Variants in ARHGAP23 observed in about 807,000 individuals in gnomAD.
ARHGAP23 encodes the protein rho GTPase-activating protein 23.
Under a neutral mutation model 136.3 loss-of-function variants are expected in ARHGAP23, and 34 were observed. The observed-to-expected ratio is 0.25, with a 90% confidence interval of 0.19 to 0.33. The LOEUF (loss-of-function observed/expected upper bound fraction) is 0.33, where lower values mean the gene tolerates loss of function less well. Ranked by LOEUF, ARHGAP23 falls within the 10% of genes least tolerant of loss-of-function variation. ARHGAP23 has a pLI of 1.00. For synonymous variants in ARHGAP23, 832 were observed against 920.5 expected (o/e 0.90, Z 1.74); for missense variants, 1,808 against 2,139.0 (o/e 0.85, Z 3.05).
intron 1 of ARHGAP23, among the ~76,000 whole-genome samples, chr17:38,443,938 C>T (rs60679182): frequency 0.17 from 26,560 of 151,990 alleles, 3,418 homozygotes; most frequent in African/African-American, 0.37. Flanking sequence ...TAGAGCTTTC[C>T]CCTAGTCTCC....
chr17:38,486,761 T>C (rs1456609596), intron 17 of ARHGAP23, among the ~76,000 whole-genome samples: 1 of 152,176 alleles, frequency 6.6e-6, no homozygotes, highest in Non-Finnish European at 1.5e-5. Flanking sequence ...AAACCAAGGC[T>C]CAGAGAAGTT....
At chr17:38,496,952 GA>G (rs56999011) in intron 20 of ARHGAP23, among the ~76,000 whole-genome samples, 131,953 of 145,618 alleles carry the variant, frequency 0.91, 59,786 homozygotes, top group South Asian at 0.94. Flanking sequence ...GATTCTGTTG[GA>G]AAAAAAAAAA....
intron 3 of ARHGAP23, among the ~76,000 whole-genome samples, chr17:38,462,104 C>T (rs908405552): frequency 6.6e-6 from 1 of 150,386 alleles, no homozygotes; most frequent in Non-Finnish European, 1.5e-5. Flanking sequence ...AGGTGCCCGC[C>T]ACCGCGCCCG....
intron 1 of ARHGAP23, among the ~76,000 whole-genome samples, chr17:38,455,481 A>C (rs1292505350): frequency 1.3e-5 from 2 of 152,174 alleles, no homozygotes; most frequent in Non-Finnish European, 2.9e-5. Context: ...CCTGGATTCC[A>C]TGCAGGCCCT....
In ARHGAP23 at chr17:38,491,418, G is replaced by A. The variant is rs1398305706; in HGVS notation, c.3162G>A (p.Arg1054=). 1 of 1,549,724 alleles carries A rather than the reference G, an allele frequency of 6.5e-7. No homozygotes were observed. Among genetic ancestry groups the A allele is most frequent in the Non-Finnish European group, 8.7e-7 (1 of 1,146,854 alleles). The change falls in exon 20 of 24, where the codon CGG becomes CGA. Residue 1054 remains arginine (R), a synonymous_variant. Coordinates refer to ENST00000622683, the MANE Select transcript of ARHGAP23 (RefSeq NM_001199417.2). ...TCCCTGCTGCCCAGATGGAACCCCG[G>A]AACCTGGCCCTGGTCTTTGGGCCGA... The part of the protein sequence containing the change: ...DHSEKNKMEP[R]NLALVFGPTL...
chr17:38,441,484 C>T lies in ARHGAP23; in HGVS notation c.63+12936C>T, dbSNP rs112654718. On this transcript the variant is annotated intron_variant, in intron 1 of 23. Coordinates refer to ENST00000622683, the MANE Select transcript of ARHGAP23 (RefSeq NM_001199417.2). ...TCCTCTCAACCAATCTTCCTGAAAT[C>T]TACAGATGTCCAAGTCCCTCATCAT... Among the ~76,000 whole-genome samples the T allele has an allele frequency of 4.3e-3, 662 of 152,192 alleles. 3 individuals are homozygous for T. The highest frequency in any genetic ancestry group is 0.015 in the African/African-American group (635 of 41,510).
chr17:38,466,486 G>T lies in ARHGAP23; in HGVS notation c.803G>T (p.Arg268Leu). The T allele has an allele frequency of 1.3e-6, 2 of 1,512,528 alleles. No homozygotes were observed. The highest frequency in any genetic ancestry group is 8.8e-7 in the Non-Finnish European group (1 of 1,133,120). 93.7% of individuals were successfully genotyped at this position (1,512,528 alleles called of 1,614,324 possible). Residue 268 changes from arginine (R) to leucine (L), a missense_variant, in exon 7 of 24, where the codon CGT becomes CTT. This residue lies in a region of ARHGAP23 where 859 missense variants were observed against 936.4 expected (regional missense o/e 0.92). Transcript: ENST00000622683. ...CTCTCCTCGGAGCCCCGGACGCCCC[G>T]TGCCTTCCCAGAGCCTGGCAGCCGG... Reference protein sequence around the residue: ...PHLSSEPRTPRAFPEPGSRVP... With the variant: ...PHLSSEPRTPLAFPEPGSRVP...
chr17:38,482,277 G>A lies in ARHGAP23; in HGVS notation c.2751+134G>A, dbSNP rs2040062620. On this transcript the variant is annotated intron_variant, in intron 15 of 23. Transcript: ENST00000622683. ...CAGCTGGGAAAACAGCCCAGAGAGGGGAAGGCCCCCGCCTGCCCCGGGCCT... is the reference window on the plus strand; with the variant it reads ...CAGCTGGGAAAACAGCCCAGAGAGGAGAAGGCCCCCGCCTGCCCCGGGCCT... 4 of 1,454,096 alleles carry A rather than the reference G, an allele frequency of 2.8e-6. No individual in the cohort carries two copies. The East Asian group carries it at 1.0e-4, about 37-fold the overall frequency. 90.1% of individuals were successfully genotyped at this position (1,454,096 alleles called of 1,614,324 possible). A position where few individuals can be genotyped will look rare whatever the true frequency, so the allele number is the denominator to read the frequency against.
chr17:38,445,994 C>T (rs527872034), intron 1 of ARHGAP23, among the ~76,000 whole-genome samples: 2 of 148,790 alleles, frequency 1.3e-5, no homozygotes, highest in African/African-American at 5.0e-5. Context: ...GGTTCATCCA[C>T]ATTGTAGCAT....
At position 38,506,045 on chromosome 17, in the gene ARHGAP23, G is replaced by A. The variant is rs16965716; in HGVS notation, c.3448-3899G>A. 9.1e-3 allele frequency among the ~76,000 whole-genome samples: 1,380 copies of A among 152,352 alleles called. 19 individuals carry two copies. Among genetic ancestry groups the A allele is most frequent in the African/African-American group, 0.032 (1,312 of 41,582 alleles). ...CCCCAAAGCCAACCCAGGGACTCCAGTTAACAGCACCTTCTCCAGAGTATT... is the reference window on the plus strand; with the variant it reads ...CCCCAAAGCCAACCCAGGGACTCCAATTAACAGCACCTTCTCCAGAGTATT... On this transcript the variant is annotated intron_variant, in intron 23 of 23. Coordinates refer to ENST00000622683, the MANE Select transcript of ARHGAP23 (RefSeq NM_001199417.2).
chr17:38,444,516 C>T (rs1025673215), intron 1 of ARHGAP23, among the ~76,000 whole-genome samples: 4 of 152,144 alleles, frequency 2.6e-5, no homozygotes, highest in African/African-American at 9.7e-5. Flanking sequence ...AAAACTCTTC[C>T]AAGTTCCTGC....
At chr17:38,493,324 GA>G (rs1197563747) in intron 20 of ARHGAP23, among the ~76,000 whole-genome samples, 3 of 151,966 alleles carry the variant, frequency 2.0e-5, no homozygotes, top group Non-Finnish European at 4.4e-5. Flanking sequence ...GAGTAGCTGG[GA>G]CTAGAGATGC....
At chr17:38,438,773 C>T (rs1221044809) in intron 1 of ARHGAP23, among the ~76,000 whole-genome samples, 5 of 152,000 alleles carry the variant, frequency 3.3e-5, no homozygotes, top group Non-Finnish European at 4.4e-5. Context: ...CATCTGAGGT[C>T]GGGAGTTTGA....
intron 11 of ARHGAP23, among the ~76,000 whole-genome samples, chr17:38,476,808 G>A (rs190631144): frequency 1.9e-3 from 295 of 151,954 alleles, no homozygotes; most frequent in African/African-American, 7.0e-3. Context: ...ATGTTTAGCC[G>A]CATCCCTCAG....
At chr17:38,504,132 T>C (rs573924733) in intron 23 of ARHGAP23, among the ~76,000 whole-genome samples, 29 of 152,344 alleles carry the variant, frequency 1.9e-4, no homozygotes, top group Admixed American at 8.5e-4. Context: ...ATCTGAGTTC[T>C]GATCCTCTGT....
intron 22 of ARHGAP23, among the ~76,000 whole-genome samples, chr17:38,499,625 G>A (rs1567827199): frequency 6.6e-6 from 1 of 152,102 alleles, no homozygotes; most frequent in Non-Finnish European, 1.5e-5. Context: ...CATGGGGGTG[G>A]GACGGCAGAG....
intron 1 of ARHGAP23, chr17:38,451,504 A>T (rs1269928125): frequency 1.3e-5 from 2 of 152,436 alleles, no homozygotes; most frequent in East Asian, 3.9e-4. Flanking sequence ...GGCACACAGC[A>T]GCACCTGTTG....
At chr17:38,479,911 G>A (rs1254003524) in intron 14 of ARHGAP23, 28 bp downstream of exon 14, 4 of 1,542,166 alleles carry the variant, frequency 2.6e-6, no homozygotes, top group Non-Finnish European at 3.5e-6. Flanking sequence ...GAGACAGGGT[G>A]GTGTGTGGGG....
chr17:38,500,668 A>T, intron 23 of ARHGAP23, 40 bp downstream of exon 23: 1 of 1,534,904 alleles, frequency 6.5e-7, no homozygotes, highest in South Asian at 1.2e-5. Flanking sequence ...ATCCCTGTAC[A>T]AGGCAGCCCA....
Sources: gnomAD v4.1 joint callset for allele counts (sites outside exome capture counted in the v4.1 genomes callset) on GRCh38, gnomAD v4.1.1 for gene constraint, gnomAD v4.1.1 regional missense constraint, MANE v1.5 for transcripts, NCBI Gene and HGNC (gene_info 2026-07-23, HGNC 2026-07-21) for gene names.